NOC3L: variants seen among roughly 807,000 people sequenced by gnomAD.
NOC3L encodes NOC3 like DNA replication regulator.
In NOC3L, 85 loss-of-function variants were observed where a neutral mutation model predicts 102.5. The ratio of observed to expected loss-of-function variants is 0.83; its 90% CI spans 0.70 to 0.99. NOC3L has a LOEUF of 0.99. Among genes scored for constraint, NOC3L ranks in the 50% least tolerant of loss-of-function variants. NOC3L has a pLI of 0.00. For synonymous variants in NOC3L, 303 were observed against 309.4 expected, an observed-to-expected ratio of 0.98 and a Z score of 0.22; for missense variants, 878 against 914.9, an observed-to-expected ratio of 0.96 and a Z score of 0.52.
chr10:94,348,448 T>C (rs2133998401), intron 10 of NOC3L, among the ~76,000 whole-genome samples: 1 of 152,140 alleles, frequency 6.6e-6, no homozygotes, highest in East Asian at 1.9e-4. Context: ...ACAGATAGTT[T>C]CGTTTCTTTT....
rs1229798725 is a variant in NOC3L at position 94,356,531 on chromosome 10, T to C, written c.565+4A>G. 6.4e-7 allele frequency: 1 copy of C among 1,558,440 alleles called. No individual in the cohort carries two copies. The highest frequency in any genetic ancestry group is 1.1e-5 in the South Asian group (1 of 89,946). On this transcript the variant is annotated splice_donor_region_variant and intron_variant, in intron 5 of 20. Coordinates refer to ENST00000371361, the MANE Select transcript of NOC3L (RefSeq NM_022451.11). ...ACAATTTAGTAACTGTAAAGACATA[T>C]TACCTTCCTCAAGTTCCCTCTCTTC... is the stretch of plus-strand genomic sequence containing the variant.
chr10:94,316,542 T>G, the NOC3L span: 3 of 1,599,970 alleles, frequency 1.9e-6, no homozygotes, highest in African/African-American at 4.0e-5. Context: ...TCACTTTTTC[T>G]TTAGATTCTG....
At chr10:94,354,564 A>T (rs2054460216) in intron 6 of NOC3L, among the ~76,000 whole-genome samples, 1 of 152,170 alleles carries the variant, frequency 6.6e-6, no homozygotes, top group Non-Finnish European at 1.5e-5. Context: ...TTCAACTTAC[A>T]AATATTCCTG....
intron 12 of NOC3L, 38 bp from the exon 13 acceptor site, chr10:94,344,553 C>G (rs768890660): frequency 1.4e-6 from 2 of 1,423,696 alleles, no homozygotes; most frequent in Non-Finnish European, 2.0e-6. Context: ...TTAGGATAAC[C>G]TGGTATGCTT....
rs1324530245 is a variant in NOC3L, at chr10:94,339,880, A to G, written c.1821T>C (p.Leu607=). 1 of 1,614,206 alleles carries G rather than the reference A, an allele frequency of 6.2e-7. No homozygotes were observed. Among genetic ancestry groups the G allele is most frequent in the Non-Finnish European group, 8.5e-7 (1 of 1,180,024 alleles). ...NEGVEIVLQC[L]DVMLTKRRKQ... ...TTCTGCGCTTAGTTAGCATGACATC[A>G]AGGCACTGGAGTACAATCTCAACAC... The change falls in exon 17 of 21, where the codon CTT becomes CTC. Residue 607 remains leucine, a synonymous_variant. Transcript: ENST00000371361.
At chr10:94,323,649 A>T in the NOC3L span, among the ~76,000 whole-genome samples, 1 of 152,220 alleles carries the variant, frequency 6.6e-6, no homozygotes, top group Admixed American at 6.5e-5. Context: ...AGCAAATGGT[A>T]AACATTACTT....
chr10:94,344,329 G>A (rs17439123), intron 13 of NOC3L, 86 bp downstream of exon 13: 109,146 of 736,746 alleles, frequency 0.15, 9,053 homozygotes, highest in Middle Eastern at 0.22. Context: ...TGAGGATAAT[G>A]GGCCATCATT....
Position 94,345,928 on chromosome 10 carries a change from T to C in NOC3L, c.1389+497A>G, listed in dbSNP as rs79275540. Among the ~76,000 whole-genome samples the C allele has an allele frequency of 6.3e-3, 957 of 152,244 alleles. 3 individuals carry two copies. The highest frequency in any genetic ancestry group is 9.4e-3 in the Admixed American group (143 of 15,286). ...GCATCATCTCATTTAACCTGCACGA[T>C]TACCCTGCAAGGTAGGTACTATTAT... is the stretch of plus-strand genomic sequence containing the variant. On this transcript the variant is annotated intron_variant, in intron 11 of 20. Transcript: ENST00000371361.
downstream of NOC3L, chr10:94,330,308 T>G (rs979864889): frequency 3.9e-5 from 6 of 152,336 alleles, no homozygotes; most frequent in African/African-American, 1.4e-4. Flanking sequence ...TTTAGTTGTT[T>G]ATCACATTTT....
At chr10:94,360,601 G>A (rs2054541787) in intron 2 of NOC3L, among the ~76,000 whole-genome samples, 1 of 151,712 alleles carries the variant, frequency 6.6e-6, no homozygotes, top group Non-Finnish European at 1.5e-5. Context: ...ATGGTTAATG[G>A]GTACAAAAAT....
chr10:94,326,086 C>T, the NOC3L span, among the ~76,000 whole-genome samples: 4 of 152,266 alleles, frequency 2.6e-5, no homozygotes, highest in Admixed American at 1.3e-4. Context: ...CTCTCCTTTT[C>T]GCTTAGTTTC....
chr10:94,327,940 T>C, the NOC3L span: 1 of 528,334 alleles, frequency 1.9e-6, no homozygotes, highest in East Asian at 5.4e-5. Context: ...TTCAGTATAC[T>C]AATAAGCCTC....
intron 20 of NOC3L, 127 bp from the exon 21 acceptor site, chr10:94,334,432 A>C: frequency 1.5e-6 from 1 of 676,312 alleles, no homozygotes. Flanking sequence ...ATGCTTGGTA[A>C]GGTCTTGGAC....
chr10:94,359,176 G>C (rs1010751265), intron 2 of NOC3L, among the ~76,000 whole-genome samples: 1 of 152,154 alleles, frequency 6.6e-6, no homozygotes, highest in Non-Finnish European at 1.5e-5. Flanking sequence ...TGTAATCTTA[G>C]CACTTTGGGA....
In NOC3L at chr10:94,337,792, G is replaced by A; in HGVS notation, c.2174C>T (p.Pro725Leu). Residue 725 changes from proline to leucine, a missense_variant, in exon 19 of 21, where the codon CCA becomes CTA. Pro to Leu is a moderately conservative substitution (Grantham distance 98). Transcript: ENST00000371361. ...APSEGSGALKPELSRRSATEL... is the reference protein window; with the variant it reads ...APSEGSGALKLELSRRSATEL... ...TAAATATTACCTTCGACTCAACTCT[G>A]GTTTGAGTGCTCCAGAGCCTTCAGA... 1.2e-6 allele frequency: 2 copies of A among 1,612,734 alleles called. No homozygotes were observed. Among genetic ancestry groups the A allele is most frequent in the Non-Finnish European group, 1.7e-6 (2 of 1,178,826 alleles).
At chr10:94,361,453 A>C in intron 2 of NOC3L, 1 of 527,644 alleles carries the variant, frequency 1.9e-6, no homozygotes, top group Non-Finnish European at 3.3e-6. Flanking sequence ...TAAAAGCAGA[A>C]GCTTGAATGA....
intron 4 of NOC3L, 31 bp from the exon 5 acceptor site, chr10:94,356,622 G>T (rs1564917735): frequency 2.4e-6 from 3 of 1,263,604 alleles, no homozygotes. Context: ...TTAAAACTGT[G>T]ATATATACTT....
the NOC3L span, among the ~76,000 whole-genome samples, chr10:94,317,218 G>A: frequency 1.4e-4 from 22 of 152,298 alleles, no homozygotes; most frequent in Admixed American, 9.2e-4. Context: ...TCGTGCCATT[G>A]TGCTCTGGCC....
rs1564920509 is a variant in NOC3L, at chr10:94,361,884, C to G, written c.10-12G>C. 1 of 1,575,446 alleles carries G rather than the reference C, an allele frequency of 6.3e-7. No homozygotes were observed. The highest frequency in any genetic ancestry group is 1.3e-5 in the African/African-American group (1 of 74,084). ...TTTTTATTTCTTCTCTAGAAAATAACAGAAAGAATACTGCATACCCAGAAA... is the reference window on the plus strand; with the variant it reads ...TTTTTATTTCTTCTCTAGAAAATAAGAGAAAGAATACTGCATACCCAGAAA... On this transcript the variant is annotated splice_polypyrimidine_tract_variant and intron_variant, in intron 1 of 20. Transcript: ENST00000371361.
Sources: allele counts gnomAD v4.1 joint callset (sites outside exome capture counted in the v4.1 genomes callset), GRCh38; gene constraint gnomAD v4.1.1; transcripts MANE v1.5; gene names NCBI Gene and HGNC (gene_info 2026-07-23, HGNC 2026-07-21).